PUM2: variants seen among roughly 807,000 people sequenced by gnomAD.
The protein encoded by PUM2 is pumilio RNA binding family member 2, also known as pumilio homolog 2.
In PUM2, 57 loss-of-function variants were observed where a neutral mutation model predicts 124.5. The observed-to-expected ratio is 0.46, with a 90% confidence interval of 0.37 to 0.57. The LOEUF (loss-of-function observed/expected upper bound fraction) is 0.57. PUM2 is among the 20% of genes least tolerant of loss of function. The probability of loss-of-function intolerance (pLI) is 0.00; values close to 1 mark genes in which losing one functional copy is unlikely to be tolerated. For missense variants in PUM2, 1,065 were observed against 1,290.6 expected (o/e 0.83, Z 2.68); for synonymous variants, 460 against 446.1 (o/e 1.03, Z -0.39).
chr2:20,271,911 C>T (rs1173236438), intron 13 of PUM2, among the ~76,000 whole-genome samples: 3 of 152,156 alleles, frequency 2.0e-5, no homozygotes, highest in Non-Finnish European at 4.4e-5. Context: ...GTAATCCCAG[C>T]ACTTTGGGAG....
chr2:20,253,504 T>C (rs1663986225), intron 20 of PUM2, among the ~76,000 whole-genome samples: 1 of 152,016 alleles, frequency 6.6e-6, no homozygotes, highest in Non-Finnish European at 1.5e-5. Context: ...GCTTGTCTAA[T>C]TGTTTTTCTT....
At chr2:20,327,875 G>A (rs900487679) in intron 1 of PUM2, among the ~76,000 whole-genome samples, 2 of 152,146 alleles carry the variant, frequency 1.3e-5, no homozygotes, top group African/African-American at 2.4e-5. Flanking sequence ...GAGAGGACAC[G>A]CCATGTCCCG....
chr2:20,273,970 A>G (rs1478177708), intron 13 of PUM2, among the ~76,000 whole-genome samples: 1 of 152,200 alleles, frequency 6.6e-6, no homozygotes, highest in African/African-American at 2.4e-5. Flanking sequence ...CTGAGAGGCT[A>G]ATTAGAATAA....
intron 10 of PUM2, among the ~76,000 whole-genome samples, chr2:20,289,506 A>G: frequency 6.6e-6 from 1 of 152,188 alleles, no homozygotes; most frequent in South Asian, 2.1e-4. Flanking sequence ...TGACTCCATG[A>G]CAGTAGAGTC....
chr2:20,284,396 T>C (rs760344216), intron 10 of PUM2, among the ~76,000 whole-genome samples: 2 of 152,170 alleles, frequency 1.3e-5, no homozygotes, highest in Non-Finnish European at 2.9e-5. Context: ...TGCTCTGTTG[T>C]CTAGGCTGGA....
At chr2:20,346,328 A>G (rs554948702) in intron 1 of PUM2, among the ~76,000 whole-genome samples, 41 of 152,374 alleles carry the variant, frequency 2.7e-4, no homozygotes, top group African/African-American at 9.9e-4. Context: ...CTTAAAAATG[A>G]CATGGTCAAG....
chr2:20,344,333 G>T (rs1001303998), intron 1 of PUM2, among the ~76,000 whole-genome samples: 1 of 152,178 alleles, frequency 6.6e-6, no homozygotes, highest in African/African-American at 2.4e-5. Context: ...CTCCCAAAGC[G>T]TTAGGCGCCC....
At chr2:20,321,519 A>C (rs555946890) in intron 2 of PUM2, among the ~76,000 whole-genome samples, 1 of 152,328 alleles carries the variant, frequency 6.6e-6, no homozygotes, top group Admixed American at 6.5e-5. Flanking sequence ...TTGCTCTGAC[A>C]GTTTAGATAC....
At chr2:20,318,422 CA>C in intron 3 of PUM2, 114 bp downstream of exon 3, 7 of 856,506 alleles carry the variant, frequency 8.2e-6, no homozygotes, top group East Asian at 2.6e-5. Flanking sequence ...GGCAATAGCG[CA>C]AAACTATACA....
At chr2:20,308,166 G>A in intron 6 of PUM2, 95 bp from the exon 7 acceptor site, 1 of 1,493,674 alleles carries the variant, frequency 6.7e-7, no homozygotes, top group Non-Finnish European at 9.1e-7. Flanking sequence ...TTTTTCTTTG[G>A]GAGGACTTTC....
At chr2:20,308,119 T>C in intron 6 of PUM2, 48 bp from the exon 7 acceptor site, 1 of 1,569,824 alleles carries the variant, frequency 6.4e-7, no homozygotes, top group Non-Finnish European at 8.7e-7. Flanking sequence ...AAATCTTTCA[T>C]TTCTAATTAG....
At chr2:20,297,509 C>A in intron 8 of PUM2, 44 bp downstream of exon 8, 2 of 1,463,268 alleles carry the variant, frequency 1.4e-6, no homozygotes, top group Non-Finnish European at 1.8e-6. Context: ...AAACTAAATA[C>A]ATTAAAAAGC....
rs562011090 is a variant in PUM2, at chr2:20,304,318, C to A, written c.883+3660G>T. 1.5e-4 allele frequency among the ~76,000 whole-genome samples: 23 copies of A among 152,246 alleles called. No individual in the cohort carries two copies. In the South Asian group the frequency reaches 4.6e-3, roughly 30 times the overall value. On this transcript the variant is annotated intron_variant, in intron 7 of 20. Coordinates refer to ENST00000361078, the MANE Select transcript of PUM2 (RefSeq NM_015317.5). ...GGAACTCTCCAACCAACTACATAACCCTGTCTTTTTGTTTTCATTCTATCC... is the reference window on the plus strand; with the variant it reads ...GGAACTCTCCAACCAACTACATAACACTGTCTTTTTGTTTTCATTCTATCC...
intron 19 of PUM2, 118 bp from the exon 20 acceptor site, chr2:20,254,132 CTCTTG>C (rs1216982644): frequency 3.3e-5 from 28 of 849,384 alleles, no homozygotes; most frequent in Middle Eastern, 3.5e-4. Context: ...GGATGGGATT[CTCTTG>C]TCTTATGATT....
intron 9 of PUM2, among the ~76,000 whole-genome samples, chr2:20,291,836 AT>A (rs1234657416): frequency 2.6e-5 from 4 of 152,130 alleles, no homozygotes; most frequent in African/African-American, 9.7e-5. Context: ...TTTGTCGCCC[AT>A]TTGGTGACCA....
chr2:20,312,691 C>CT (rs1679908103), intron 3 of PUM2, among the ~76,000 whole-genome samples: 1 of 152,166 alleles, frequency 6.6e-6, no homozygotes, highest in African/African-American at 2.4e-5. Flanking sequence ...CTACCACTGA[C>CT]TTTCTTCACA....
intron 14 of PUM2, among the ~76,000 whole-genome samples, chr2:20,260,723 T>TGGTGGTCCCATAAGATTATAATGGAG (rs1172367283): frequency 6.6e-6 from 1 of 152,196 alleles, no homozygotes; most frequent in African/African-American, 2.4e-5. Context: ...TTATAATCAA[T>TGGTGGTCCCATAAGATTATAATGGAG]AAGAAAATTA....
rs2149213135 is a variant in PUM2, at chr2:20,350,562, A to C, written c.-19+35T>G. Reference sequence around the variant, plus strand: ...GGGGAGCCATCCTCGACGGCGCCAAAGGACCGGAGAAAGAGCGAACGCGGA... The same window carrying C: ...GGGGAGCCATCCTCGACGGCGCCAACGGACCGGAGAAAGAGCGAACGCGGA... On this transcript the variant is annotated intron_variant, in intron 1 of 20. Transcript: ENST00000361078. The C allele has an allele frequency of 1.1e-5, 11 of 985,494 alleles. No individual in the cohort carries two copies. The South Asian group carries it at 4.2e-4, about 38-fold the overall frequency. 61.0% of individuals were successfully genotyped at this position (985,494 alleles called of 1,614,324 possible). A position where few individuals can be genotyped will look rare whatever the true frequency, so the allele number is the denominator to read the frequency against.
chr2:20,256,473 T>C (rs1328870429), intron 16 of PUM2, among the ~76,000 whole-genome samples: 1 of 152,232 alleles, frequency 6.6e-6, no homozygotes, highest in African/African-American at 2.4e-5. Context: ...CTGAACTTGC[T>C]GTATTTAAAC....
Sources: gnomAD v4.1 joint callset for allele counts (sites outside exome capture counted in the v4.1 genomes callset) on GRCh38, gnomAD v4.1.1 for gene constraint, MANE v1.5 for transcripts, NCBI Gene and HGNC (gene_info 2026-07-23, HGNC 2026-07-21) for gene names.